TRABD2B: variants seen among roughly 807,000 people sequenced by gnomAD.
The protein encoded by TRABD2B is TraB domain containing 2B.
A neutral mutation model predicts 40.1 loss-of-function variants in TRABD2B; 14 were observed. The observed-to-expected ratio is 0.35, with a 90% CI of 0.23 to 0.55. TRABD2B has a LOEUF of 0.55. Among genes scored for constraint, TRABD2B ranks in the 20% least tolerant of loss-of-function variants. The probability of loss-of-function intolerance (pLI) is 0.90; values close to 1 mark genes in which losing one functional copy is unlikely to be tolerated. For synonymous variants in TRABD2B, 263 were observed against 277.0 expected, an observed-to-expected ratio of 0.95 and a Z score of 0.50; for missense variants, 541 against 648.6, an observed-to-expected ratio of 0.83 and a Z score of 1.80.
At chr1:47,827,369 C>A (rs1427334277) in intron 2 of TRABD2B, among the ~76,000 whole-genome samples, 1 of 152,240 alleles carries the variant, frequency 6.6e-6, no homozygotes, top group Non-Finnish European at 1.5e-5. Flanking sequence ...GTGGGACCAC[C>A]TAGGTTGGAA....
At chr1:47,991,615 C>T (rs957298729) in intron 2 of TRABD2B, among the ~76,000 whole-genome samples, 2 of 151,990 alleles carry the variant, frequency 1.3e-5, no homozygotes, top group African/African-American at 4.8e-5. Context: ...ATGGTTATTT[C>T]TGTCCAGAAA....
chr1:47,997,022 C>A lies in TRABD2B; in HGVS notation c.-233G>T, dbSNP rs112512888. ...TCTAGGGCTGGGCCCCTCCCCCGGG[C>A]GCTCAACCTCGCTGGCCGAGCCCCC... On this transcript the variant is annotated 5_prime_UTR_variant, in exon 1 of 7. Coordinates refer to ENST00000606738, the MANE Select transcript of TRABD2B (RefSeq NM_001194986.2). 1.2e-5 allele frequency: 13 copies of A among 1,070,198 alleles called. 1 individual carries two copies. In the African/African-American group the frequency reaches 1.8e-4, roughly 15 times the overall value. 66.3% of individuals were successfully genotyped at this position (1,070,198 alleles called of 1,614,324 possible).
chr1:47,828,123 G>C (rs915012794), intron 2 of TRABD2B, among the ~76,000 whole-genome samples: 2 of 152,172 alleles, frequency 1.3e-5, no homozygotes, highest in South Asian at 4.2e-4. Context: ...GGGAGCATAA[G>C]GGCTCAGTCC....
chr1:47,861,583 G>A (rs1166837275), intron 2 of TRABD2B, among the ~76,000 whole-genome samples: 1 of 152,182 alleles, frequency 6.6e-6, no homozygotes. Context: ...CAGACAATCT[G>A]AATAGGCCCA....
intron 3 of TRABD2B, among the ~76,000 whole-genome samples, chr1:47,796,329 C>G (rs1321920489): frequency 1.3e-5 from 2 of 152,194 alleles, no homozygotes; most frequent in Non-Finnish European, 2.9e-5. Context: ...TTCACCTACC[C>G]AGGCCCAAAG....
chr1:47,930,215 T>A (rs919037453), intron 2 of TRABD2B, among the ~76,000 whole-genome samples: 1 of 152,310 alleles, frequency 6.6e-6, no homozygotes, highest in East Asian at 1.9e-4. Context: ...CAGTGTCTGA[T>A]AGGAGATGCC....
At chr1:47,847,209 A>T (rs1645484127) in intron 2 of TRABD2B, among the ~76,000 whole-genome samples, 2 of 152,124 alleles carry the variant, frequency 1.3e-5, no homozygotes, top group South Asian at 4.2e-4. Context: ...AGAGGACACT[A>T]CCTCAACTGA....
intron 2 of TRABD2B, among the ~76,000 whole-genome samples, chr1:47,829,815 T>C (rs1357510508): frequency 6.6e-6 from 1 of 152,176 alleles, no homozygotes; most frequent in Non-Finnish European, 1.5e-5. Context: ...CTGCACCCCA[T>C]TGTTCTTAGG....
chr1:47,926,710 G>T (rs1339880481), intron 2 of TRABD2B, among the ~76,000 whole-genome samples: 2 of 152,148 alleles, frequency 1.3e-5, no homozygotes, highest in African/African-American at 4.8e-5. Flanking sequence ...TGAGGATAGG[G>T]CATAGTTTCC....
chr1:47,849,083 G>C (rs764706207), intron 2 of TRABD2B, among the ~76,000 whole-genome samples: 9 of 152,172 alleles, frequency 5.9e-5, no homozygotes, highest in Non-Finnish European at 1.2e-4. Flanking sequence ...GAGGATCACA[G>C]CAGTTAAGTG....
chr1:47,839,370 ACACT>A (rs1645363563), intron 2 of TRABD2B, among the ~76,000 whole-genome samples: 1 of 151,970 alleles, frequency 6.6e-6, no homozygotes, highest in Non-Finnish European at 1.5e-5. Context: ...CCACACACAC[ACACT>A]CACCCACACA....
At chr1:47,915,896 G>A (rs1010043442) in intron 2 of TRABD2B, among the ~76,000 whole-genome samples, 9 of 152,290 alleles carry the variant, frequency 5.9e-5, no homozygotes, top group South Asian at 2.1e-4. Context: ...AAGCTGCTGC[G>A]TAGCCATGGC....
At chr1:47,943,149 G>A (rs1449963154) in intron 2 of TRABD2B, among the ~76,000 whole-genome samples, 2 of 152,152 alleles carry the variant, frequency 1.3e-5, no homozygotes, top group African/African-American at 4.8e-5. Flanking sequence ...ACTCCAGAAC[G>A]GGGTTCTGAA....
At chr1:47,860,041 G>A (rs558193062) in intron 2 of TRABD2B, among the ~76,000 whole-genome samples, 2 of 152,166 alleles carry the variant, frequency 1.3e-5, no homozygotes, top group Non-Finnish European at 2.9e-5. Flanking sequence ...GCACTACCTT[G>A]TGTGCCTCCC....
intron 2 of TRABD2B, among the ~76,000 whole-genome samples, chr1:47,814,783 C>G (rs1030631081): frequency 2.6e-5 from 4 of 152,190 alleles, no homozygotes; most frequent in Non-Finnish European, 5.9e-5. Context: ...GATACTCCTC[C>G]CAGGGTGCAT....
rs768888157 is a variant in TRABD2B, at chr1:47,953,304, G to A, written c.666+40730C>T. ...CAGCATAAATGGAACACATACAAACGTGCAAAAGCCTAATTTCTTCCTTAG... is the reference window on the plus strand; with the variant it reads ...CAGCATAAATGGAACACATACAAACATGCAAAAGCCTAATTTCTTCCTTAG... On this transcript the variant is annotated intron_variant, in intron 2 of 6. Transcript: ENST00000606738. 5.9e-5 allele frequency among the ~76,000 whole-genome samples: 9 copies of A among 152,260 alleles called. No individual in the cohort carries two copies. In the South Asian group the frequency reaches 1.7e-3, roughly 28 times the overall value.
chr1:47,781,374 G>A (rs1481882691), intron 4 of TRABD2B, among the ~76,000 whole-genome samples: 3 of 152,188 alleles, frequency 2.0e-5, no homozygotes, highest in Non-Finnish European at 2.9e-5. Context: ...TGACTGCTGC[G>A]CGGCTGCTCC....
chr1:47,841,988 G>A (rs1645404162), intron 2 of TRABD2B, among the ~76,000 whole-genome samples: 1 of 151,890 alleles, frequency 6.6e-6, no homozygotes, highest in South Asian at 2.1e-4. Flanking sequence ...TGGCCAGGCT[G>A]GTCTTGAGCT....
Position 47,994,420 on chromosome 1 carries a change from T to C in TRABD2B, c.280A>G (p.Ile94Val), listed in dbSNP as rs1318830430. 2.1e-5 allele frequency: 33 copies of C among 1,536,012 alleles called. No homozygotes were observed. Among genetic ancestry groups the C allele is most frequent in the East Asian group, 1.7e-4 (7 of 40,922 alleles). ...AGCTGGCAGCTGGCCAGGGCCGAGA[T>C]GGTGTAGGGGTCTGTAAGGTCCAGC... ...FELDLTDPYT[I>V]SALASCQLLP... The change falls in exon 2 of 7, where the codon ATC becomes GTC. Residue 94 changes from isoleucine to valine, a missense_variant. Around this residue, in one of 2 missense-constraint regions of TRABD2B, gnomAD observed 369 missense variants for 492.8 expected, o/e 0.75. Coordinates refer to ENST00000606738, the MANE Select transcript of TRABD2B (RefSeq NM_001194986.2). The surrounding 1 kb of genome is among the most constrained non-coding windows in gnomAD (Gnocchi z 6.7).
Sources: gnomAD v4.1 joint callset for allele counts (sites outside exome capture counted in the v4.1 genomes callset) on GRCh38, gnomAD v4.1.1 for gene constraint, gnomAD v4.1.1 regional missense constraint, Gnocchi (gnomAD v3.1) non-coding constraint, MANE v1.5 for transcripts, NCBI Gene and HGNC (gene_info 2026-07-23, HGNC 2026-07-21) for gene names.